TRIL: variants seen among roughly 807,000 people sequenced by gnomAD.
TRIL encodes TLR4 interactor with leucine rich repeats.
In TRIL, 23 loss-of-function variants were observed where a neutral mutation model predicts 43.0. The observed-to-expected ratio is 0.54, with a 90% CI of 0.39 to 0.76. The LOEUF is 0.76. Among genes scored for constraint, TRIL ranks in the 30% least tolerant of loss-of-function variants. TRIL has a pLI of 0.00. For synonymous variants in TRIL, 602 were observed against 556.8 expected (o/e 1.08, Z -1.14); for missense variants, 1,114 against 1,139.3 (o/e 0.98, Z 0.32).
At position 28,956,607 on chromosome 7, in the gene TRIL, G is replaced by A. The variant is rs777635251; in HGVS notation, c.1440C>T (p.Ser480=). ...GGCCCCGCCGACTCAGCCTTAGGGC[G>A]CTGCGGTTGCCTACCAGCTCCCTGG... ...GAARELVGNR[S]ALRLSRRGPG... is the part of the protein sequence containing the mutation. Residue 480 remains serine, a synonymous_variant, in exon 1 of 1, where the codon AGC becomes AGT. Transcript: ENST00000539664. 1 of 1,566,870 alleles carries A rather than the reference G, an allele frequency of 6.4e-7. No individual in the cohort carries two copies. Among genetic ancestry groups the A allele is most frequent in the Non-Finnish European group, 8.6e-7 (1 of 1,161,622 alleles).
In TRIL at chr7:28,958,010, C is replaced by T. The variant is rs767226561; in HGVS notation, c.37G>A (p.Val13Met). The change falls in exon 1 of 1, where the codon GTG (valine) becomes ATG (methionine). Residue 13 changes from valine (V) to methionine (M), a missense_variant. Coordinates refer to ENST00000539664, the MANE Select transcript of TRIL (RefSeq NM_014817.4). ...AARALRLLLV[V>M]CGCLALPPLA... ...GGCGGGAGCGCGAGGCAGCCGCACA[C>T]CACGAGCAGGAGGCGCAAGGCGCGG... is the stretch of plus-strand genomic sequence containing the variant. The T allele has an allele frequency of 1.0e-5, 16 of 1,590,570 alleles. No homozygotes were observed. The highest frequency in any genetic ancestry group is 7.8e-5 in the South Asian group (7 of 89,890).
rs375382146 is a variant in TRIL at position 28,957,755 on chromosome 7, G to A, written c.292C>T (p.Leu98=). The A allele has an allele frequency of 6.2e-7, 1 of 1,613,790 alleles. No homozygotes were observed. The change falls in exon 1 of 1, where the codon CTG becomes TTG. Residue 98 remains leucine (L), a synonymous_variant. Coordinates refer to ENST00000539664, the MANE Select transcript of TRIL (RefSeq NM_014817.4). ...LDLQYNQIRS[L]HPKTFEKLSR... ...AGCTTCTCGAAGGTCTTGGGGTGCA[G>A]AGAGCGGATCTGGTTGTACTGCAGG...
At position 28,958,225 on chromosome 7, in the gene TRIL, C is replaced by T; in HGVS notation, c.-179G>A. On this transcript the variant is annotated 5_prime_UTR_variant, in exon 1 of 1. Coordinates refer to ENST00000539664, the MANE Select transcript of TRIL (RefSeq NM_014817.4). ...GCCGGCCCGGGTCTCTGCAGGCGGGCTTCGCCCGGCCAAGTCAGGCGGCGC... is the reference window on the plus strand; with the variant it reads ...GCCGGCCCGGGTCTCTGCAGGCGGGTTTCGCCCGGCCAAGTCAGGCGGCGC... 12 of 896,686 alleles carry T rather than the reference C, an allele frequency of 1.3e-5. No individual in the cohort carries two copies. Among genetic ancestry groups the T allele is most frequent in the Non-Finnish European group, 1.9e-5 (12 of 627,374 alleles). 55.5% of individuals were successfully genotyped at this position (896,686 alleles called of 1,614,324 possible).
In TRIL at chr7:28,954,672, ACT is replaced by A. The variant is rs1370327070; in HGVS notation, c.*937_*938del. On this transcript the variant is annotated 3_prime_UTR_variant, in exon 1 of 1. Coordinates refer to ENST00000539664, the MANE Select transcript of TRIL (RefSeq NM_014817.4). ...ATCACATTTATTCCAATCTAAACAC[ACT>A]GTCACAGATGTGGTAAGTGAACTGG... 1.3e-5 allele frequency: 2 copies of A among 152,204 alleles called. No individual in the cohort carries two copies. Among genetic ancestry groups the A allele is most frequent in the Admixed American group, 6.5e-5 (1 of 15,288 alleles). The allele number at this position is 152,204 out of a possible 1,614,324, so 9.4% of individuals were successfully genotyped here. A position where few individuals can be genotyped will look rare whatever the true frequency, so the allele number is the denominator to read the frequency against.
At position 28,957,563 on chromosome 7, in the gene TRIL, G is replaced by T; in HGVS notation, c.484C>A (p.Leu162Met). ...AGCGCCCCCAGGGCGTTCCCGTCCA[G>T]CCGCAGCTTGACTAGACTCTCCAGG... ...EGLESLVKLR[L>M]DGNALGALPD... The change falls in exon 1 of 1, where the codon CTG becomes ATG. Residue 162 changes from leucine (L) to methionine (M), a missense_variant. Physicochemically the swap from Leu to Met is conservative, Grantham distance 15 (BLOSUM62 2). Transcript: ENST00000539664. The T allele has an allele frequency of 6.2e-7, 1 of 1,612,206 alleles. No individual in the cohort carries two copies.
rs934282746 is a variant in TRIL, at chr7:28,956,813, C to T, written c.1234G>A (p.Gly412Arg). The T allele has an allele frequency of 1.2e-6, 2 of 1,610,926 alleles. No individual in the cohort carries two copies. Among genetic ancestry groups the T allele is most frequent in the African/African-American group, 2.7e-5 (2 of 74,836 alleles). Residue 412 changes from glycine to arginine, a missense_variant, in exon 1 of 1, where the codon GGA becomes AGA. Transcript: ENST00000539664. ...DYLDDQQLQN[G>R]SCADPSPSAS... The stretch of plus-strand genomic sequence containing the variant: ...GAGGGCGAGGGATCCGCGCAGGATC[C>T]ATTTTGCAGCTGCTGGTCATCCAGG...
chr7:28,956,399 C>A lies in TRIL; in HGVS notation c.1648G>T (p.Ala550Ser). 1 of 1,535,552 alleles carries A rather than the reference C, an allele frequency of 6.5e-7. No individual in the cohort carries two copies. The highest frequency in any genetic ancestry group is 8.7e-7 in the Non-Finnish European group (1 of 1,147,066). ...PSPAGDPWQR[A>S]TKHRLGTEHQ... ...TCCGTGCCCAGACGATGCTTCGTCG[C>A]GCGCTGCCAGGGGTCGCCGGCGGGC... The change falls in exon 1 of 1, where the codon GCG (alanine) becomes TCG (serine). Residue 550 changes from alanine to serine, a missense_variant. Physicochemically the swap from Ala to Ser is moderately conservative, Grantham distance 99. Coordinates refer to ENST00000539664, the MANE Select transcript of TRIL (RefSeq NM_014817.4).
Position 28,958,222 on chromosome 7 carries a change from G to T in TRIL, c.-176C>A. 1.0e-6 allele frequency: 1 copy of T among 954,744 alleles called. No individual in the cohort carries two copies. The highest frequency in any genetic ancestry group is 1.5e-6 in the Non-Finnish European group (1 of 679,414). The allele number at this position is 954,744 out of a possible 1,614,324, so 59.1% of individuals were successfully genotyped here. The stretch of plus-strand genomic sequence containing the variant: ...GAGGCCGGCCCGGGTCTCTGCAGGC[G>T]GGCTTCGCCCGGCCAAGTCAGGCGG... On this transcript the variant is annotated 5_prime_UTR_variant, in exon 1 of 1. Coordinates refer to ENST00000539664, the MANE Select transcript of TRIL (RefSeq NM_014817.4).
chr7:28,957,734 T>G lies in TRIL; in HGVS notation c.313A>C (p.Lys105Gln). 6.2e-7 allele frequency: 1 copy of G among 1,613,438 alleles called. No individual in the cohort carries two copies. ...TACAGCTCTTCCAGCCGCGAGAGCT[T>G]CTCGAAGGTCTTGGGGTGCAGAGAG... ...IRSLHPKTFE[K>Q]LSRLEELYLG... The change falls in exon 1 of 1, where the codon AAG (lysine) becomes CAG (glutamine). Residue 105 changes from lysine (K) to glutamine (Q), a missense_variant. Transcript: ENST00000539664.
In TRIL at chr7:28,953,526, G is replaced by A. The variant is rs1464196414; in HGVS notation, c.*2085C>T. 2 of 152,586 alleles carry A rather than the reference G, an allele frequency of 1.3e-5. No individual in the cohort carries two copies. The highest frequency in any genetic ancestry group is 2.9e-5 in the Non-Finnish European group (2 of 68,032). The allele number at this position is 152,586 out of a possible 1,614,324, so 9.5% of individuals were successfully genotyped here. On this transcript the variant is annotated 3_prime_UTR_variant, in exon 1 of 1. Transcript: ENST00000539664. ...AAAAGGTGGGTGGTGAGGAGAACCAGAGGCCTTGTCCATACTTGCAATGGG... is the reference window on the plus strand; with the variant it reads ...AAAAGGTGGGTGGTGAGGAGAACCAAAGGCCTTGTCCATACTTGCAATGGG...
rs770788694 is a variant in TRIL, at chr7:28,956,117, C to G, written c.1930G>C (p.Asp644His). Reference sequence around the variant, plus strand: ...CGCAGCTCGCGCAGCGTGGCCGAGTCGCTGCTCTCAGGCAGGTAGACGAAG... The same window carrying G: ...CGCAGCTCGCGCAGCGTGGCCGAGTGGCTGCTCTCAGGCAGGTAGACGAAG... The part of the protein sequence containing the change: ...HRFVYLPESS[D>H]SATLRELRGD... Residue 644 changes from aspartate to histidine, a missense_variant, in exon 1 of 1, where the codon GAC becomes CAC. Asp to His is a moderately conservative substitution (Grantham distance 81, BLOSUM62 -1). Coordinates refer to ENST00000539664, the MANE Select transcript of TRIL (RefSeq NM_014817.4). 6.4e-7 allele frequency: 1 copy of G among 1,561,054 alleles called. No individual in the cohort carries two copies. Among genetic ancestry groups the G allele is most frequent in the African/African-American group, 1.4e-5 (1 of 73,712 alleles).
rs1341328031 is a variant in TRIL at position 28,956,559 on chromosome 7, G to A, written c.1488C>T (p.Pro496=). 6 of 1,554,972 alleles carry A rather than the reference G, an allele frequency of 3.9e-6. No individual in the cohort carries two copies. The highest frequency in any genetic ancestry group is 1.2e-5 in the South Asian group (1 of 84,550). The change falls in exon 1 of 1, where the codon CCC becomes CCT. Residue 496 remains proline, a synonymous_variant. Coordinates refer to ENST00000539664, the MANE Select transcript of TRIL (RefSeq NM_014817.4). ...RRGPGLQQPS[P]SVAAAAGPAP... is the part of the protein sequence containing the mutation. ...CCGGGCCCGCGGCGGCAGCGACGGA[G>A]GGGCTGGGCTGCTGGAGGCCCGGGC...
rs758577043 is a variant in TRIL, at chr7:28,957,470, A to G, written c.577T>C (p.Phe193Leu). The stretch of plus-strand genomic sequence containing the variant: ...TGGGCGAAGGCGTTCTTGCCCAGAA[A>G]GCGGATCCGGTTGGACTCCAGATGT... ...YLHLESNRIR[F>L]LGKNAFAQLG... is the part of the protein sequence containing the mutation. Residue 193 changes from phenylalanine (F) to leucine (L), a missense_variant, in exon 1 of 1, where the codon TTT becomes CTT. Coordinates refer to ENST00000539664, the MANE Select transcript of TRIL (RefSeq NM_014817.4). The G allele has an allele frequency of 2.5e-6, 4 of 1,613,234 alleles. No individual in the cohort carries two copies. Among genetic ancestry groups the G allele is most frequent in the South Asian group, 2.2e-5 (2 of 91,094 alleles).
Position 28,956,379 on chromosome 7 carries a change from G to T in TRIL, c.1668C>A (p.Gly556=). The T allele has an allele frequency of 1.3e-6, 2 of 1,534,864 alleles. No homozygotes were observed. Among genetic ancestry groups the T allele is most frequent in the Non-Finnish European group, 1.7e-6 (2 of 1,146,560 alleles). Residue 556 remains glycine, a synonymous_variant, in exon 1 of 1, where the codon GGC becomes GGA. Transcript: ENST00000539664. ...PWQRATKHRL[G]TEHQERAAQS... is the part of the protein sequence containing the mutation. ...GGGCGGCACGCTCCTGGTGCTCCGT[G>T]CCCAGACGATGCTTCGTCGCGCGCT...
At position 28,957,407 on chromosome 7, in the gene TRIL, C is replaced by G; in HGVS notation, c.640G>C (p.Glu214Gln). 1.2e-6 allele frequency: 2 copies of G among 1,613,470 alleles called. No homozygotes were observed. The change falls in exon 1 of 1, where the codon GAG becomes CAG. Residue 214 changes from glutamate (E) to glutamine (Q), a missense_variant. Physicochemically the swap from Glu to Gln is conservative, Grantham distance 29. Coordinates refer to ENST00000539664, the MANE Select transcript of TRIL (RefSeq NM_014817.4). ...KLRFLNLSANELQPSLRHAAT... is the reference protein window; with the variant it reads ...KLRFLNLSANQLQPSLRHAAT... Reference sequence around the variant, plus strand: ...GCGTGGCGCAGGGAGGGCTGTAGCTCGTTGGCAGAGAGGTTGAGGAAGCGC... The same window carrying G: ...GCGTGGCGCAGGGAGGGCTGTAGCTGGTTGGCAGAGAGGTTGAGGAAGCGC...
Position 28,957,766 on chromosome 7 carries a change from TG to T in TRIL, c.280del (p.Gln94ArgfsTer53), listed in dbSNP as rs759427845. 6.2e-7 allele frequency: 1 copy of T among 1,613,950 alleles called. No individual in the cohort carries two copies. The highest frequency in any genetic ancestry group is 8.5e-7 in the Non-Finnish European group (1 of 1,179,866). On this transcript the variant is annotated frameshift_variant, in exon 1 of 1. Transcript: ENST00000539664. LOFTEE classifies it high-confidence loss of function. ...QLRRLDLQYN[Q>X]IRSLHPKTFE... ...GGTCTTGGGGTGCAGAGAGCGGATC[TG>T]GTTGTACTGCAGGTCCAGCCGTCTG...
In TRIL at chr7:28,955,562, G is replaced by A. The variant is rs1452153310; in HGVS notation, c.*49C>T. The A allele has an allele frequency of 1.4e-6, 2 of 1,454,028 alleles. No homozygotes were observed. The highest frequency in any genetic ancestry group is 1.8e-4 in the Middle Eastern group (1 of 5,562). 90.1% of individuals were successfully genotyped at this position (1,454,028 alleles called of 1,614,324 possible). A position where few individuals can be genotyped will look rare whatever the true frequency, so the allele number is the denominator to read the frequency against. ...CTGAGGTGGGCTGGTGGGCCTCACG[G>A]AGAGGCGGCTCCTTAGGGCCAATGA... is the stretch of plus-strand genomic sequence containing the variant. On this transcript the variant is annotated 3_prime_UTR_variant, in exon 1 of 1. Transcript: ENST00000539664.
rs754535105 is a variant in TRIL, at chr7:28,957,606, G to A, written c.441C>T (p.Ser147=). 2.5e-6 allele frequency: 4 copies of A among 1,611,524 alleles called. No homozygotes were observed. The East Asian group carries it at 8.9e-5, about 36-fold the overall frequency. Residue 147 remains serine, a synonymous_variant, in exon 1 of 1, where the codon AGC becomes AGT. Transcript: ENST00000539664. ...TCTCCAGGCCCTCGAAGGAGCCGCG[G>A]CTTAGGCGGCTGATCTCGTTCCCGT... The part of the protein sequence containing the change: ...YANGNEISRL[S]RGSFEGLESL...
chr7:28,957,031 G>A lies in TRIL; in HGVS notation c.1016C>T (p.Ala339Val), dbSNP rs1227345970. ...GGCGGCGAAGATGTCCCCGGATAGG[G>A]CGCTGAGCGCGTTGTTGCGCAGGCT... ...ELSLRNNALSALSGDIFAASP... is the reference protein window; with the variant it reads ...ELSLRNNALSVLSGDIFAASP... Residue 339 changes from alanine to valine, a missense_variant, in exon 1 of 1, where the codon GCC (alanine) becomes GTC (valine). Coordinates refer to ENST00000539664, the MANE Select transcript of TRIL (RefSeq NM_014817.4). 1.3e-6 allele frequency: 2 copies of A among 1,580,588 alleles called. No homozygotes were observed. The highest frequency in any genetic ancestry group is 1.7e-6 in the Non-Finnish European group (2 of 1,166,054).
Sources: gnomAD v4.1 joint callset for allele counts on GRCh38, gnomAD v4.1.1 for gene constraint, MANE v1.5 for transcripts, NCBI Gene and HGNC (gene_info 2026-07-23, HGNC 2026-07-21) for gene names.